NHSL1: variants seen among roughly 807,000 people sequenced by gnomAD.
NHSL1 encodes the protein NHS like 1.
In NHSL1, 48 loss-of-function variants were observed where a neutral mutation model predicts 95.0. The observed-to-expected ratio is 0.51, with a 90% CI of 0.40 to 0.64. The LOEUF is 0.64. Among genes scored for constraint, NHSL1 ranks in the 30% least tolerant of loss-of-function variants. The pLI is 0.00. For synonymous variants in NHSL1, 783 were observed against 833.9 expected, an observed-to-expected ratio of 0.94 and a Z score of 1.05; for missense variants, 1,971 against 2,077.7, an observed-to-expected ratio of 0.95 and a Z score of 1.00.
chr6:138,665,014 G>A (rs1245915616), intron 1 of NHSL1, among the ~76,000 whole-genome samples: 1 of 152,146 alleles, frequency 6.6e-6, no homozygotes, highest in Non-Finnish European at 1.5e-5. Flanking sequence ...CAAACATCTG[G>A]GCGCTATAGC....
At chr6:138,460,692 T>C (rs1371885071) in intron 3 of NHSL1, among the ~76,000 whole-genome samples, 1 of 152,024 alleles carries the variant, frequency 6.6e-6, no homozygotes, top group Non-Finnish European at 1.5e-5. Flanking sequence ...CCATGGATAC[T>C]GAGGGATTAC....
chr6:138,525,349 C>T (rs1781855164), intron 1 of NHSL1, among the ~76,000 whole-genome samples: 1 of 150,936 alleles, frequency 6.6e-6, no homozygotes, highest in South Asian at 2.1e-4. Context: ...AACATAGCAA[C>T]TCTCTCTCTC....
At chr6:138,518,418 C>G (rs1419121836) in intron 1 of NHSL1, among the ~76,000 whole-genome samples, 1 of 144,192 alleles carries the variant, frequency 6.9e-6, no homozygotes, top group Non-Finnish European at 1.5e-5. Flanking sequence ...AAGAGATGCA[C>G]AAATTCACAT....
rs1252706188 is a variant in NHSL1 at position 138,692,033 on chromosome 6, A to G, written c.96+443T>C. On this transcript the variant is annotated intron_variant, in intron 1 of 3. Coordinates refer to the NHSL1 transcript ENST00000491526. This position sits in a 1 kb window ranked among gnomAD's most constrained non-coding sequence, Gnocchi z 4.0. ...TCGCCGAGATCCCCAGGGTTTTACA[A>G]ACGGATCGTCCTGAAGTCTCCAAAA... 1 of 456,566 alleles carries G rather than the reference A, an allele frequency of 2.2e-6. No homozygotes were observed. The highest frequency in any genetic ancestry group is 4.4e-6 in the Non-Finnish European group (1 of 226,970). 28.3% of individuals were successfully genotyped at this position (456,566 alleles called of 1,614,324 possible).
intron 1 of NHSL1, among the ~76,000 whole-genome samples, chr6:138,689,555 T>C (rs535967066): frequency 6.6e-6 from 1 of 152,302 alleles, no homozygotes; most frequent in South Asian, 2.1e-4. Context: ...TTTTTTTAAA[T>C]TGTTCCACTG....
At chr6:138,536,602 C>CTTTTT (rs563509738) in intron 1 of NHSL1, among the ~76,000 whole-genome samples, 11 of 80,034 alleles carry the variant, frequency 1.4e-4, no homozygotes, top group Non-Finnish European at 2.2e-4. Context: ...CATATGTCAT[C>CTTTTT]TTTTTTTTTT....
intron 1 of NHSL1, among the ~76,000 whole-genome samples, chr6:138,623,385 T>C (rs1784692284): frequency 6.6e-6 from 1 of 152,196 alleles, no homozygotes; most frequent in East Asian, 1.9e-4. Context: ...GTCTGGTTTG[T>C]TTATTCATTT....
intron 1 of NHSL1, among the ~76,000 whole-genome samples, chr6:138,595,576 C>CT (rs1313862173): frequency 6.6e-6 from 1 of 152,110 alleles, no homozygotes; most frequent in Non-Finnish European, 1.5e-5. Context: ...CACCCTATCT[C>CT]TTTTTTTAAA....
chr6:138,602,523 G>A (rs1011342286), intron 1 of NHSL1, among the ~76,000 whole-genome samples: 1 of 152,060 alleles, frequency 6.6e-6, no homozygotes, highest in African/African-American at 2.4e-5. Flanking sequence ...TGTATTTTTA[G>A]TAGAGAAGGG....
At chr6:138,477,543 T>C (rs1352340441) in intron 2 of NHSL1, among the ~76,000 whole-genome samples, 3 of 152,156 alleles carry the variant, frequency 2.0e-5, no homozygotes, top group African/African-American at 4.8e-5. Context: ...TTTGAAGCTG[T>C]GGTGAGCTAT....
intron 1 of NHSL1, among the ~76,000 whole-genome samples, chr6:138,519,527 T>C (rs1331340328): frequency 2.0e-5 from 3 of 152,332 alleles, no homozygotes; most frequent in Admixed American, 1.3e-4. Context: ...TAATTTAATA[T>C]GCAAGGCTGG....
At chr6:138,467,816 G>A (rs1317410600) in intron 3 of NHSL1, among the ~76,000 whole-genome samples, 3 of 152,224 alleles carry the variant, frequency 2.0e-5, no homozygotes, top group Non-Finnish European at 4.4e-5. Flanking sequence ...GTTTTAAGCT[G>A]TGTTATTACA....
rs567675854 is a variant in NHSL1, at chr6:138,447,634, G to A, written c.340-441C>T. ...CTAAAAATAAAAAATTTAGTCAGGCGTGGTGGTGGGCACCTGTAATCTCAG... is the reference window on the plus strand; with the variant it reads ...CTAAAAATAAAAAATTTAGTCAGGCATGGTGGTGGGCACCTGTAATCTCAG... On this transcript the variant is annotated intron_variant, in intron 3 of 7. Coordinates refer to ENST00000343505, the MANE Select transcript of NHSL1 (RefSeq NM_001144060.2). Among the ~76,000 whole-genome samples the A allele has an allele frequency of 4.6e-5, 7 of 152,264 alleles. No homozygotes were observed. In the East Asian group the frequency reaches 5.8e-4, roughly 13 times the overall value.
intron 1 of NHSL1, among the ~76,000 whole-genome samples, chr6:138,682,761 G>C (rs1240771597): frequency 6.6e-6 from 1 of 152,184 alleles, no homozygotes; most frequent in African/African-American, 2.4e-5. Flanking sequence ...AGGGAGGTCT[G>C]TTCCTGGCCT....
chr6:138,602,875 T>C (rs1464687926), intron 1 of NHSL1, among the ~76,000 whole-genome samples: 1 of 152,204 alleles, frequency 6.6e-6, no homozygotes, highest in African/African-American at 2.4e-5. Flanking sequence ...AATCCATGCC[T>C]TCAAGGGACT....
chr6:138,614,423 G>A (rs1490024943), intron 1 of NHSL1, among the ~76,000 whole-genome samples: 1 of 152,170 alleles, frequency 6.6e-6, no homozygotes, highest in African/African-American at 2.4e-5. Context: ...CATTACATGA[G>A]AAAAATAAAC....
upstream of NHSL1, chr6:138,545,735 T>C: frequency 8.0e-7 from 1 of 1,251,282 alleles, no homozygotes; most frequent in Non-Finnish European, 1.0e-6. Context: ...CAGCGCTCAC[T>C]GCCAGAGAGC....
intron 1 of NHSL1, among the ~76,000 whole-genome samples, chr6:138,641,622 CAAAAAAAAAAA>C (rs771307557): frequency 1.3e-5 from 1 of 76,462 alleles, no homozygotes; most frequent in East Asian, 3.8e-4. Flanking sequence ...GACTCCGTCT[CAAAAAAAAAAA>C]AAAAAAAAAA....
intron 1 of NHSL1, among the ~76,000 whole-genome samples, chr6:138,497,076 G>T (rs768043914): frequency 2.0e-5 from 3 of 152,146 alleles, no homozygotes; most frequent in Non-Finnish European, 4.4e-5. Flanking sequence ...CAGCACAGAA[G>T]AGACCAAGAC....
Sources: gnomAD v4.1 joint callset for allele counts (sites outside exome capture counted in the v4.1 genomes callset) on GRCh38, gnomAD v4.1.1 for gene constraint, Gnocchi (gnomAD v3.1) non-coding constraint, MANE v1.5 for transcripts, NCBI Gene and HGNC (gene_info 2026-07-23, HGNC 2026-07-21) for gene names.